Variants in KIAA0825 observed in about 807,000 individuals in gnomAD.
KIAA0825 encodes the protein KIAA0825.
A neutral mutation model predicts 147.6 loss-of-function variants in KIAA0825; 119 were observed. The observed-to-expected ratio is 0.81, with a 90% confidence interval of 0.69 to 0.94. The LOEUF is 0.94. Ranked by LOEUF, KIAA0825 falls within the 40% of genes least tolerant of loss-of-function variation. The pLI, the probability that KIAA0825 is intolerant of heterozygous loss-of-function variation, is 0.00. For synonymous variants in KIAA0825, 470 were observed against 518.1 expected (o/e 0.91, Z 1.26); for missense variants, 1,381 against 1,472.7 (o/e 0.94, Z 1.02).
At chr5:94,614,545 T>C (rs1681366686) in intron 1 of KIAA0825, among the ~76,000 whole-genome samples, 1 of 152,160 alleles carries the variant, frequency 6.6e-6, no homozygotes, top group Non-Finnish European at 1.5e-5. Context: ...CCATCTTACA[T>C]AGCCAAAGTG....
intron 5 of KIAA0825, among the ~76,000 whole-genome samples, chr5:94,506,533 TAG>T (rs776665114): frequency 4.6e-5 from 7 of 152,236 alleles, no homozygotes; most frequent in East Asian, 3.8e-4. Context: ...TTTAAATTTG[TAG>T]AGAGTCTGGT....
chr5:94,440,229 C>A (rs966771815), intron 13 of KIAA0825, 108 bp from the exon 14 acceptor site: 9 of 1,110,636 alleles, frequency 8.1e-6, no homozygotes, highest in Non-Finnish European at 1.0e-5. Context: ...CAATTCCTCC[C>A]TGATTACTCT....
intron 18 of KIAA0825, among the ~76,000 whole-genome samples, chr5:94,386,830 C>T (rs932759226): frequency 2.0e-5 from 3 of 152,288 alleles, no homozygotes; most frequent in Middle Eastern, 3.4e-3. Flanking sequence ...CAGCAGAGCA[C>T]TGAGTACTCT....
At chr5:94,446,156 A>G (rs369256457) in intron 13 of KIAA0825, among the ~76,000 whole-genome samples, 108 of 152,334 alleles carry the variant, frequency 7.1e-4, no homozygotes, top group Middle Eastern at 6.8e-3. Flanking sequence ...ATGCAATACA[A>G]TACTTTAATA....
chr5:94,616,431 T>C (rs1790512691), intron 1 of KIAA0825, among the ~76,000 whole-genome samples: 1 of 152,190 alleles, frequency 6.6e-6, no homozygotes, highest in Non-Finnish European at 1.5e-5. Context: ...GTTTGAGGGT[T>C]ACGTGAGTGG....
rs998345509 is a variant in KIAA0825 at position 94,279,047 on chromosome 5, G to A, written c.3710+105321C>T. On this transcript the variant is annotated intron_variant, in intron 20 of 20. Coordinates refer to ENST00000682413, the MANE Select transcript of KIAA0825 (RefSeq NM_001145678.3). ...TCACAATTTTATACATGAAACCTAA[G>A]CCATTTAAAAGGCAGGTGTTGTAAA... Among the ~76,000 whole-genome samples the A allele has an allele frequency of 4.6e-5, 7 of 151,938 alleles. No individual in the cohort carries two copies. In the South Asian group the frequency reaches 1.5e-3, roughly 32 times the overall value.
chr5:94,218,691 G>A (rs1303330207), intron 20 of KIAA0825, among the ~76,000 whole-genome samples: 2 of 152,158 alleles, frequency 1.3e-5, no homozygotes, highest in East Asian at 3.8e-4. Flanking sequence ...CCTTGTCCAT[G>A]AACTTACTCC....
intron 9 of KIAA0825, 121 bp from the exon 10 acceptor site, chr5:94,470,232 C>CAGACTTCAGCA: frequency 1.6e-6 from 1 of 606,686 alleles, no homozygotes; most frequent in Non-Finnish European, 2.5e-6. Flanking sequence ...CCTCTTAATG[C>CAGACTTCAGCA]TGAAGTCTGC....
intron 15 of KIAA0825, among the ~76,000 whole-genome samples, chr5:94,408,379 C>T (rs1397556799): frequency 2.6e-5 from 4 of 152,030 alleles, no homozygotes; most frequent in East Asian, 3.9e-4. Flanking sequence ...GACAGAGTCT[C>T]GCTCTTGTTG....
At chr5:94,519,878 G>A (rs905284059) in intron 5 of KIAA0825, 31 of 576,266 alleles carry the variant, frequency 5.4e-5, no homozygotes, top group African/African-American at 3.4e-4. Flanking sequence ...ATATATATGC[G>A]TATATTTAAT....
chr5:94,310,838 G>T (rs1779106766), intron 20 of KIAA0825, among the ~76,000 whole-genome samples: 1 of 151,584 alleles, frequency 6.6e-6, no homozygotes, highest in Non-Finnish European at 1.5e-5. Flanking sequence ...AGTTTGTTTT[G>T]AAAAGCTTCT....
chr5:94,425,690 A>G (rs1321728418), intron 14 of KIAA0825, among the ~76,000 whole-genome samples: 1 of 152,160 alleles, frequency 6.6e-6, no homozygotes, highest in Non-Finnish European at 1.5e-5. Flanking sequence ...AGAAATCTCC[A>G]TATTGTTTTA....
At chr5:94,286,934 A>G (rs1777686335) in intron 20 of KIAA0825, among the ~76,000 whole-genome samples, 1 of 151,972 alleles carries the variant, frequency 6.6e-6, no homozygotes, top group South Asian at 2.1e-4. Flanking sequence ...GGCTAGTTCC[A>G]CACCTCCCTG....
At chr5:94,235,254 G>T (rs1033500725) in intron 20 of KIAA0825, among the ~76,000 whole-genome samples, 3 of 152,210 alleles carry the variant, frequency 2.0e-5, no homozygotes, top group Non-Finnish European at 2.9e-5. Flanking sequence ...GAAATTAAAA[G>T]TGCTACTCCA....
chr5:94,164,270 A>G (rs1338286922), intron 20 of KIAA0825, among the ~76,000 whole-genome samples: 2 of 152,162 alleles, frequency 1.3e-5, no homozygotes, highest in Non-Finnish European at 2.9e-5. Flanking sequence ...AAAGAACAAA[A>G]CTGGAGGAAT....
chr5:94,306,306 T>A (rs1377491973), intron 20 of KIAA0825, among the ~76,000 whole-genome samples: 1 of 151,856 alleles, frequency 6.6e-6, no homozygotes, highest in Non-Finnish European at 1.5e-5. Context: ...TCCAGACCAG[T>A]AAGTACAACA....
intron 14 of KIAA0825, among the ~76,000 whole-genome samples, chr5:94,433,477 T>C (rs1047104176): frequency 6.6e-6 from 1 of 152,216 alleles, no homozygotes; most frequent in Non-Finnish European, 1.5e-5. Flanking sequence ...ACTACTTAGG[T>C]TTCTGATAGT....
intron 1 of KIAA0825, among the ~76,000 whole-genome samples, chr5:94,609,188 T>C (rs114772000): frequency 0.018 from 2,726 of 152,290 alleles, 64 homozygotes; most frequent in African/African-American, 0.053. Context: ...TACATACATG[T>C]GTAAGGTTGG....
chr5:94,458,764 AT>A (rs1262690935), intron 12 of KIAA0825, among the ~76,000 whole-genome samples: 3 of 151,938 alleles, frequency 2.0e-5, no homozygotes, highest in South Asian at 2.1e-4. Flanking sequence ...AAAAAAAAAA[AT>A]CATTTTAAAT....
Sources: gnomAD v4.1 joint callset for allele counts (sites outside exome capture counted in the v4.1 genomes callset) on GRCh38, gnomAD v4.1.1 for gene constraint, MANE v1.5 for transcripts, NCBI Gene and HGNC (gene_info 2026-07-23, HGNC 2026-07-21) for gene names.